GOLM1: variants seen among roughly 807,000 people sequenced by gnomAD.
The protein encoded by GOLM1 is golgi membrane protein 1.
A neutral mutation model predicts 50.5 loss-of-function variants in GOLM1; 31 were observed. That is an observed-to-expected ratio of 0.61 (90% confidence interval 0.46 to 0.83). GOLM1 has a LOEUF of 0.83. Ranked by LOEUF, GOLM1 falls within the 40% of genes least tolerant of loss-of-function variation. The pLI is 0.00. For missense variants in GOLM1, 491 were observed against 501.3 expected, an observed-to-expected ratio of 0.98 and a Z score of 0.20; for synonymous variants, 178 against 192.8, an observed-to-expected ratio of 0.92 and a Z score of 0.64.
In GOLM1 at chr9:86,077,402, C is replaced by T. The variant is rs1834651416; in HGVS notation, c.309+10G>A. The T allele has an allele frequency of 6.2e-7, 1 of 1,609,944 alleles. No homozygotes were observed. Among genetic ancestry groups the T allele is most frequent in the East Asian group, 2.2e-5 (1 of 44,850 alleles). The stretch of plus-strand genomic sequence containing the variant: ...AGAAAAGAACTGAGAGGAAACAAAG[C>T]AGGCCTTGCCTTTTCGTCCTGGTAC... On this transcript the variant is annotated intron_variant, in intron 3 of 9. Coordinates refer to ENST00000388712, the MANE Select transcript of GOLM1 (RefSeq NM_016548.4).
intron 1 of GOLM1, among the ~76,000 whole-genome samples, chr9:86,094,287 T>C (rs1280188652): frequency 6.6e-6 from 1 of 152,072 alleles, no homozygotes; most frequent in African/African-American, 2.4e-5. Flanking sequence ...ACTCTGCCCA[T>C]AGGGTATTGT....
At chr9:86,064,069 C>T (rs1834238809) in intron 3 of GOLM1, among the ~76,000 whole-genome samples, 1 of 152,188 alleles carries the variant, frequency 6.6e-6, no homozygotes, top group African/African-American at 2.4e-5. Flanking sequence ...AGGCTCAGGC[C>T]CCTCCCTGGA....
chr9:86,036,470 G>A lies in GOLM1; in HGVS notation c.635C>T (p.Ala212Val), dbSNP rs750634870. The change falls in exon 7 of 10, where the codon GCA (alanine) becomes GTA (valine). Residue 212 changes from alanine to valine, a missense_variant. Coordinates refer to ENST00000388712, the MANE Select transcript of GOLM1 (RefSeq NM_016548.4). The stretch of plus-strand genomic sequence containing the variant: ...CACCTCTGTGTGTGGCAGGCCTGCT[G>A]CCTGCAGCCTGGGCTGAGGCTCACT... ...ALSEPQPRLQ[A>V]AGLPHTEVPQ... The A allele has an allele frequency of 6.2e-6, 10 of 1,613,826 alleles. No individual in the cohort carries two copies. In the East Asian group the frequency reaches 2.2e-4, roughly 36 times the overall value.
At chr9:86,070,670 C>T (rs1834423614) in intron 3 of GOLM1, among the ~76,000 whole-genome samples, 1 of 152,172 alleles carries the variant, frequency 6.6e-6, no homozygotes, top group African/African-American at 2.4e-5. Context: ...CACAGGGCCC[C>T]AGGCACATCC....
At chr9:86,044,469 G>A (rs754335424) in intron 5 of GOLM1, among the ~76,000 whole-genome samples, 5 of 152,286 alleles carry the variant, frequency 3.3e-5, no homozygotes, top group Non-Finnish European at 7.4e-5. Context: ...CAGGTTGCTG[G>A]TGACCACACA....
At chr9:86,076,147 G>A (rs756636813) in intron 3 of GOLM1, among the ~76,000 whole-genome samples, 4 of 152,006 alleles carry the variant, frequency 2.6e-5, no homozygotes, top group Admixed American at 6.6e-5. Context: ...GGCCAGGTGC[G>A]GTGGCTCATG....
intron 9 of GOLM1, among the ~76,000 whole-genome samples, chr9:86,032,672 C>T (rs946809429): frequency 5.9e-5 from 9 of 152,102 alleles, no homozygotes; most frequent in Non-Finnish European, 8.8e-5. Flanking sequence ...TTCTAGATGA[C>T]GTATTAATAT....
intron 1 of GOLM1, among the ~76,000 whole-genome samples, chr9:86,093,412 A>G (rs181970124): frequency 6.6e-6 from 1 of 151,690 alleles, no homozygotes; most frequent in East Asian, 1.9e-4. Context: ...CAACAAAAAA[A>G]CCCCAAAATT....
rs144749820 is a variant in GOLM1, at chr9:86,040,794, C to A, written c.542G>T (p.Gly181Val). ...GTCTCTGGAAGCTACAGCTTCATTC[C>A]CCTTTTTGGTGACCTCTTCTATTCG... ...EERIEEVTKK[G>V]NEAVASRDLS... is the part of the protein sequence containing the mutation. The change falls in exon 6 of 10, where the codon GGG becomes GTG. Residue 181 changes from glycine to valine, a missense_variant. Gly to Val is a moderately radical substitution (Grantham distance 109, BLOSUM62 -3). Coordinates refer to ENST00000388712, the MANE Select transcript of GOLM1 (RefSeq NM_016548.4). 4.0e-4 allele frequency: 640 copies of A among 1,613,850 alleles called. 1 individual carries two copies. In the African/African-American group the frequency reaches 7.9e-3, roughly 20 times the overall value.
At chr9:86,070,712 G>C (rs1028247658) in intron 3 of GOLM1, among the ~76,000 whole-genome samples, 16 of 152,184 alleles carry the variant, frequency 1.1e-4, no homozygotes, top group African/African-American at 3.9e-4. Context: ...TACATGGACT[G>C]AGATTCCCAT....
chr9:86,046,889 T>C (rs1833564177), intron 4 of GOLM1, among the ~76,000 whole-genome samples: 1 of 151,678 alleles, frequency 6.6e-6, no homozygotes, highest in African/African-American at 2.4e-5. Context: ...CTGTCTCTTT[T>C]GTAGACATCA....
In GOLM1 at chr9:86,027,830, T is replaced by A. The variant is rs369690276; in HGVS notation, c.1193A>T (p.Asn398Ile). ...TTCCAGTTCAATTCAGAGTGTATGATTCCGCTTTTCACGCTGATCAAGTAA... is the reference window on the plus strand; with the variant it reads ...TTCCAGTTCAATTCAGAGTGTATGAATCCGCTTTTCACGCTGATCAAGTAA... ...INLLDQREKR[N>I]HTL The change falls in exon 10 of 10, where the codon AAT becomes ATT. Residue 398 changes from asparagine (N) to isoleucine (I), a missense_variant. By Grantham distance (149) the Asn-to-Ile change is moderately radical (BLOSUM62 -3). Coordinates refer to ENST00000388712, the MANE Select transcript of GOLM1 (RefSeq NM_016548.4). 6.2e-6 allele frequency: 10 copies of A among 1,613,322 alleles called. No homozygotes were observed. The highest frequency in any genetic ancestry group is 7.6e-6 in the Non-Finnish European group (9 of 1,179,480).
intron 3 of GOLM1, among the ~76,000 whole-genome samples, chr9:86,053,614 C>CCA (rs1833875086): frequency 3.6e-4 from 1 of 2,768 alleles, no homozygotes. Context: ...ACATCACACA[C>CCA]CACACCAAAC....
chr9:86,091,207 T>G (rs1835174937), intron 1 of GOLM1, among the ~76,000 whole-genome samples: 1 of 152,188 alleles, frequency 6.6e-6, no homozygotes, highest in African/African-American at 2.4e-5. Flanking sequence ...TATTTGGCCA[T>G]CTTACCAGCC....
At position 86,097,227 on chromosome 9, in the gene GOLM1, T is replaced by TTA. The variant is rs1385057892; in HGVS notation, c.-22+2182_-22+2183dup. Among the ~76,000 whole-genome samples, 10 of 152,288 alleles carry TTA rather than the reference T, an allele frequency of 6.6e-5. No individual in the cohort carries two copies. The East Asian group carries it at 1.7e-3, about 26-fold the overall frequency. The stretch of plus-strand genomic sequence containing the variant: ...GAAGTCCAGAAAACCACCATGATCT[T>TTA]TAAGAACAGTTTTTGGGGAGCAAGT... On this transcript the variant is annotated intron_variant, in intron 1 of 9. Transcript: ENST00000388712.
Position 86,071,539 on chromosome 9 carries a change from T to C in GOLM1, c.309+5873A>G, listed in dbSNP as rs140769573. Among the ~76,000 whole-genome samples, 256 of 151,360 alleles carry C rather than the reference T, an allele frequency of 1.7e-3. 2 individuals are homozygous for C. The East Asian group carries it at 0.027, about 16-fold the overall frequency. On this transcript the variant is annotated intron_variant, in intron 3 of 9. Coordinates refer to ENST00000388712, the MANE Select transcript of GOLM1 (RefSeq NM_016548.4). ...ACTAAAAATACAAAAATTAGCCGGG[T>C]GTGGTGGTGCAGGTCTGTAATCCCA...
At chr9:86,081,660 C>A (rs991915957) in intron 1 of GOLM1, among the ~76,000 whole-genome samples, 3 of 151,984 alleles carry the variant, frequency 2.0e-5, no homozygotes, top group African/African-American at 4.8e-5. Flanking sequence ...GAGGCCAAGG[C>A]AGGTAGATGG....
intron 3 of GOLM1, among the ~76,000 whole-genome samples, chr9:86,053,365 C>G (rs1564347147): frequency 1.3e-5 from 1 of 79,980 alleles, no homozygotes; most frequent in East Asian, 3.3e-4. Context: ...CCACGTACCA[C>G]TCCACACCAC....
At chr9:86,099,711 C>G (rs574316558), upstream of GOLM1, among the ~76,000 whole-genome samples, 117 of 151,712 alleles carry the variant, frequency 7.7e-4, 3 homozygotes, top group South Asian at 0.024. Flanking sequence ...GTGGCCGCCC[C>G]TCGGCGGGAG....
Sources: gnomAD v4.1 joint callset for allele counts (sites outside exome capture counted in the v4.1 genomes callset) on GRCh38, gnomAD v4.1.1 for gene constraint, MANE v1.5 for transcripts, NCBI Gene and HGNC (gene_info 2026-07-23, HGNC 2026-07-21) for gene names.